The following HECTD4 variants were observed in gnomAD, a reference collection of about 807,000 sequenced individuals.
HECTD4 encodes the protein probable E3 ubiquitin-protein ligase HECTD4.
Under a neutral mutation model 471.5 loss-of-function variants are expected in HECTD4, and 114 were observed. That is an observed-to-expected ratio of 0.24 (90% CI 0.21 to 0.28). The LOEUF (loss-of-function observed/expected upper bound fraction) is 0.28, where lower values mean the gene tolerates loss of function less well. HECTD4 is among the 10% of genes least tolerant of loss of function. The probability of loss-of-function intolerance (pLI) is 1.00; values close to 1 mark genes in which losing one functional copy is unlikely to be tolerated. For missense variants in HECTD4, 3,866 were observed against 5,651.5 expected (o/e 0.68, Z 10.13); for synonymous variants, 2,012 against 2,256.0 (o/e 0.89, Z 3.07).
chr12:112,367,505 T>C (rs2036586863), intron 1 of HECTD4, among the ~76,000 whole-genome samples: 1 of 151,706 alleles, frequency 6.6e-6, no homozygotes, highest in South Asian at 2.1e-4. Context: ...GAAAGGAAAG[T>C]TTATTTATAA....
intron 37 of HECTD4, 57 bp from the exon 38 acceptor site, chr12:112,233,142 C>T: frequency 7.1e-7 from 1 of 1,416,550 alleles, no homozygotes; most frequent in Admixed American, 2.0e-5. Flanking sequence ...CAAAAGTGGG[C>T]TGCATGCCAT....
chr12:112,286,301 A>G (rs998481945), intron 7 of HECTD4, among the ~76,000 whole-genome samples: 2 of 152,224 alleles, frequency 1.3e-5, no homozygotes, highest in African/African-American at 4.8e-5. Flanking sequence ...AGAGATTATT[A>G]GACCAGCCTC....
At position 112,183,210 on chromosome 12, in the gene HECTD4, G is replaced by A. The variant is rs373684306; in HGVS notation, c.10836C>T (p.Asp3612=). The part of the protein sequence containing the change: ...KIRASLFNNN[D]LIGLSSLDGE... Reference sequence around the variant, plus strand: ...CATCCAAACTTGACAAACCAATCAAGTCATTATTGTTAAATAAACTTGCTC... The same window carrying A: ...CATCCAAACTTGACAAACCAATCAAATCATTATTGTTAAATAAACTTGCTC... Residue 3612 remains aspartate, a synonymous_variant, in exon 62 of 76, where the codon GAC becomes GAT. Coordinates refer to ENST00000682272, the MANE Select transcript of HECTD4 (RefSeq NM_001388303.1). 6 of 1,613,902 alleles carry A rather than the reference G, an allele frequency of 3.7e-6. No individual in the cohort carries two copies. The East Asian group carries it at 6.7e-5, about 18-fold the overall frequency.
chr12:112,278,815 C>T (rs2034578149), intron 9 of HECTD4, among the ~76,000 whole-genome samples: 1 of 152,212 alleles, frequency 6.6e-6, no homozygotes, highest in Non-Finnish European at 1.5e-5. Flanking sequence ...ATCACTTCAA[C>T]CCGGGAGGCA....
At chr12:112,293,267 A>C (rs2034932577) in intron 7 of HECTD4, among the ~76,000 whole-genome samples, 1 of 150,190 alleles carries the variant, frequency 6.7e-6, no homozygotes, top group Non-Finnish European at 1.5e-5. Context: ...CAGGAGGCTG[A>C]GGCAGGAGAA....
At chr12:112,233,198 CTTACACTAACATTAGCTTTT>C in intron 37 of HECTD4, 113 bp from the exon 38 acceptor site, 2 of 568,168 alleles carry the variant, frequency 3.5e-6, no homozygotes, top group Non-Finnish European at 6.2e-6. Flanking sequence ...CTAACATTAG[CTTACACTAACATTAGCTTTT>C]TTTTTTTTTT....
At chr12:112,211,859 T>C (rs1182570169) in intron 49 of HECTD4, among the ~76,000 whole-genome samples, 1 of 152,172 alleles carries the variant, frequency 6.6e-6, no homozygotes, top group African/African-American at 2.4e-5. Flanking sequence ...TTAGGCTAAG[T>C]CTTGGTCACG....
At chr12:112,200,578 T>A in intron 55 of HECTD4, 60 bp downstream of exon 55, 1 of 1,542,434 alleles carries the variant, frequency 6.5e-7, no homozygotes, top group Admixed American at 1.8e-5. Flanking sequence ...ACATGGTACA[T>A]GTGGTAGAGC....
At chr12:112,164,073 AG>A in intron 73 of HECTD4, 35 bp downstream of exon 73, 1 of 1,395,882 alleles carries the variant, frequency 7.2e-7, no homozygotes, top group Non-Finnish European at 9.4e-7. Flanking sequence ...TGGCCGGGCC[AG>A]CCCCTGCCAG....
intron 29 of HECTD4, among the ~76,000 whole-genome samples, chr12:112,244,588 C>A (rs2033716241): frequency 6.6e-6 from 1 of 152,210 alleles, no homozygotes; most frequent in Admixed American, 6.5e-5. Context: ...CCAGGCTGGT[C>A]TTGAACTCCT....
intron 8 of HECTD4, among the ~76,000 whole-genome samples, chr12:112,281,274 A>T (rs78165505): frequency 0.023 from 3,280 of 142,472 alleles, 109 homozygotes; most frequent in African/African-American, 0.074. Flanking sequence ...TGTTTTTTTT[A>T]AAAAAAAAAA....
chr12:112,246,886 A>G lies in HECTD4; in HGVS notation c.4513+15T>C. ...ATATAACAGAAGCCGATTAGGGGCT[A>G]TCTTTGAGCAGTACCTGGTGTTTCA... On this transcript the variant is annotated intron_variant, in intron 29 of 75. Transcript: ENST00000682272. 1 of 1,605,490 alleles carries G rather than the reference A, an allele frequency of 6.2e-7. No individual in the cohort carries two copies. The highest frequency in any genetic ancestry group is 8.5e-7 in the Non-Finnish European group (1 of 1,177,198).
intron 7 of HECTD4, among the ~76,000 whole-genome samples, chr12:112,287,060 C>T (rs916887070): frequency 6.6e-6 from 1 of 152,126 alleles, no homozygotes; most frequent in African/African-American, 2.4e-5. Flanking sequence ...TAGTTGGTCA[C>T]CCTGTCTGTC....
chr12:112,371,903 A>AG (rs2036682207), intron 1 of HECTD4, among the ~76,000 whole-genome samples: 3 of 150,660 alleles, frequency 2.0e-5, no homozygotes, highest in Admixed American at 6.6e-5. Flanking sequence ...AAAAAAAAAA[A>AG]AAAAGAAAAA....
intron 1 of HECTD4, among the ~76,000 whole-genome samples, chr12:112,371,275 T>A (rs1162740166): frequency 6.6e-6 from 1 of 152,080 alleles, no homozygotes; most frequent in Admixed American, 6.6e-5. Flanking sequence ...GCAAACAAAT[T>A]GAGAAGGAAG....
intron 6 of HECTD4, among the ~76,000 whole-genome samples, chr12:112,306,823 CTT>C (rs1448778041): frequency 6.6e-6 from 1 of 152,190 alleles, no homozygotes; most frequent in African/African-American, 2.4e-5. Context: ...CAGATCCTAA[CTT>C]AGCATATGAG....
At chr12:112,350,676 G>A (rs761525314) in intron 1 of HECTD4, among the ~76,000 whole-genome samples, 4 of 151,806 alleles carry the variant, frequency 2.6e-5, no homozygotes, top group Admixed American at 6.6e-5. Context: ...TCCCTCAAGT[G>A]AGTAAGACTT....
chr12:112,242,797 G>T (rs1371977248), intron 32 of HECTD4, among the ~76,000 whole-genome samples: 19 of 152,082 alleles, frequency 1.2e-4, no homozygotes, highest in Non-Finnish European at 1.5e-5. Context: ...TGTAATCCCA[G>T]CTACTTGGGA....
chr12:112,252,683 C>CAA, intron 22 of HECTD4, 155 bp from the exon 23 acceptor site: 1 of 866,624 alleles, frequency 1.2e-6, no homozygotes, highest in Non-Finnish European at 1.7e-6. Flanking sequence ...TATTCCCTCT[C>CAA]ATTTAGACAA....
Sources: gnomAD v4.1 joint callset for allele counts (sites outside exome capture counted in the v4.1 genomes callset) on GRCh38, gnomAD v4.1.1 for gene constraint, MANE v1.5 for transcripts, NCBI Gene and HGNC (gene_info 2026-07-23, HGNC 2026-07-21) for gene names.